NOL4: variants seen among roughly 807,000 people sequenced by gnomAD.
NOL4 encodes the protein nucleolar protein 4, also known as cancer/testis antigen 125.
A neutral mutation model predicts 75.9 loss-of-function variants in NOL4; 17 were observed. The observed-to-expected ratio is 0.22, with a 90% CI of 0.15 to 0.34. The LOEUF is 0.34. Among genes scored for constraint, NOL4 ranks in the 10% least tolerant of loss-of-function variants. NOL4 has a pLI of 1.00. For missense variants in NOL4, 614 were observed against 793.5 expected (o/e 0.77, Z 2.72); for synonymous variants, 292 against 289.9 (o/e 1.01, Z -0.07).
chr18:33,944,290 A>T (rs1431517852), intron 8 of NOL4, among the ~76,000 whole-genome samples: 8 of 151,896 alleles, frequency 5.3e-5, no homozygotes, highest in Non-Finnish European at 7.4e-5. Flanking sequence ...TACATGACTC[A>T]TTTTACCAAC....
intron 1 of NOL4, among the ~76,000 whole-genome samples, chr18:34,139,264 C>T (rs1181966397): frequency 2.0e-5 from 3 of 152,172 alleles, no homozygotes; most frequent in Non-Finnish European, 4.4e-5. Context: ...ACCAGCTCCT[C>T]CTTGTACCTC....
chr18:33,987,191 T>C (rs1325263475), intron 6 of NOL4, among the ~76,000 whole-genome samples: 1 of 152,218 alleles, frequency 6.6e-6, no homozygotes, highest in Middle Eastern at 3.4e-3. Context: ...ATATAAAGTA[T>C]ACCATAAAAG....
chr18:34,140,822 T>C (rs528781568), intron 1 of NOL4, among the ~76,000 whole-genome samples: 5 of 152,246 alleles, frequency 3.3e-5, no homozygotes, highest in African/African-American at 1.2e-4. Flanking sequence ...TGATACTGGT[T>C]GTTCCTTTCC....
chr18:34,100,601 T>G (rs771771191), intron 4 of NOL4, among the ~76,000 whole-genome samples: 4 of 152,310 alleles, frequency 2.6e-5, no homozygotes, highest in Admixed American at 6.5e-5. Flanking sequence ...CTCTCCTGCC[T>G]CTCCTAATAC....
intron 9 of NOL4, among the ~76,000 whole-genome samples, chr18:33,920,931 AGGCT>A (rs1162350297): frequency 6.6e-6 from 1 of 152,218 alleles, no homozygotes; most frequent in African/African-American, 2.4e-5. Context: ...GCCACTGCCC[AGGCT>A]GGCCAAGAGG....
At chr18:33,963,421 C>A (rs2070314256) in intron 6 of NOL4, among the ~76,000 whole-genome samples, 1 of 152,096 alleles carries the variant, frequency 6.6e-6, no homozygotes, top group African/African-American at 2.4e-5. Context: ...TCCAAATAAC[C>A]CATATAATAT....
intron 1 of NOL4, among the ~76,000 whole-genome samples, chr18:34,135,868 C>A (rs994153387): frequency 2.0e-5 from 3 of 151,754 alleles, no homozygotes; most frequent in African/African-American, 7.3e-5. Context: ...ATACAAAAAT[C>A]AAATATATCA....
intron 6 of NOL4, among the ~76,000 whole-genome samples, chr18:33,994,427 T>C (rs2073135078): frequency 6.6e-6 from 1 of 152,044 alleles, no homozygotes; most frequent in Non-Finnish European, 1.5e-5. Context: ...CCAATCTTCA[T>C]GAATGCAAAT....
At chr18:34,157,431 T>C (rs1441350393) in intron 1 of NOL4, among the ~76,000 whole-genome samples, 1 of 151,940 alleles carries the variant, frequency 6.6e-6, no homozygotes, top group Non-Finnish European at 1.5e-5. Context: ...AATAGTTCAG[T>C]GAGTCACAGG....
At chr18:34,205,563 C>A (rs1437695996) in intron 1 of NOL4, among the ~76,000 whole-genome samples, 1 of 152,060 alleles carries the variant, frequency 6.6e-6, no homozygotes, top group Non-Finnish European at 1.5e-5. Context: ...GAGTTCATCC[C>A]ATGAACTCTT....
chr18:33,862,132 T>C (rs1286520626), intron 10 of NOL4, among the ~76,000 whole-genome samples: 1 of 152,162 alleles, frequency 6.6e-6, no homozygotes, highest in Non-Finnish European at 1.5e-5. Context: ...TACAACTATC[T>C]GATCTTTGAC....
intron 3 of NOL4, 126 bp from the exon 4 acceptor site, chr18:34,104,285 T>C (rs2079168972): frequency 1.6e-6 from 1 of 629,682 alleles, no homozygotes; most frequent in Non-Finnish European, 2.8e-6. Context: ...CATGGTAGCA[T>C]TATAGTTGGA....
chr18:33,888,356 C>T (rs1457100722), intron 9 of NOL4, among the ~76,000 whole-genome samples: 1 of 152,120 alleles, frequency 6.6e-6, no homozygotes, highest in African/African-American at 2.4e-5. Flanking sequence ...GATTTTCTCC[C>T]ATTCTGTAGG....
At chr18:34,193,529 C>T (rs939165981) in intron 1 of NOL4, among the ~76,000 whole-genome samples, 2 of 152,010 alleles carry the variant, frequency 1.3e-5, no homozygotes, top group African/African-American at 4.8e-5. Flanking sequence ...CAATTTTAAA[C>T]CACAATGATA....
intron 8 of NOL4, among the ~76,000 whole-genome samples, chr18:33,948,437 T>C (rs1397409749): frequency 6.6e-6 from 1 of 151,954 alleles, no homozygotes; most frequent in Non-Finnish European, 1.5e-5. Flanking sequence ...AGTTTCATGT[T>C]CTAAGAGATT....
intron 6 of NOL4, among the ~76,000 whole-genome samples, chr18:33,963,876 G>A (rs2070356012): frequency 6.6e-6 from 1 of 152,144 alleles, no homozygotes; most frequent in Non-Finnish European, 1.5e-5. Flanking sequence ...GCCTAGGATG[G>A]CTCAGATAGC....
chr18:34,195,671 G>A (rs189764378), intron 1 of NOL4, among the ~76,000 whole-genome samples: 193 of 150,220 alleles, frequency 1.3e-3, no homozygotes, highest in Middle Eastern at 3.5e-3. Context: ...GCTTTGTACC[G>A]GTGTGTGCCA....
intron 6 of NOL4, among the ~76,000 whole-genome samples, chr18:33,997,433 T>C (rs769880059): frequency 7.2e-5 from 11 of 151,738 alleles, no homozygotes; most frequent in Non-Finnish European, 1.3e-4. Flanking sequence ...GTTTTATATA[T>C]CTGTTTTTGT....
intron 10 of NOL4, among the ~76,000 whole-genome samples, chr18:33,875,978 A>T (rs920562047): frequency 6.6e-6 from 1 of 152,036 alleles, no homozygotes; most frequent in Non-Finnish European, 1.5e-5. Context: ...GATGAGGTAG[A>T]ATAACGGAGT....
Sources: gnomAD v4.1 joint callset for allele counts (sites outside exome capture counted in the v4.1 genomes callset) on GRCh38, gnomAD v4.1.1 for gene constraint, MANE v1.5 for transcripts, NCBI Gene and HGNC (gene_info 2026-07-23, HGNC 2026-07-21) for gene names.